PRORP: variants seen among roughly 807,000 people sequenced by gnomAD.
PRORP encodes the protein mitochondrial ribonuclease P catalytic subunit.
Under a neutral mutation model 59.4 loss-of-function variants are expected in PRORP, and 51 were observed. The ratio of observed to expected loss-of-function variants is 0.86; its 90% CI spans 0.69 to 1.08. The LOEUF is 1.08. Among genes scored for constraint, PRORP ranks in the 50% least tolerant of loss-of-function variants. The pLI is 0.00. For synonymous variants in PRORP, 231 were observed against 245.6 expected (o/e 0.94, Z 0.55); for missense variants, 646 against 690.3 (o/e 0.94, Z 0.72).
At chr14:35,203,464 C>T (rs2049208581) in intron 5 of PRORP, among the ~76,000 whole-genome samples, 1 of 152,046 alleles carries the variant, frequency 6.6e-6, no homozygotes, top group Non-Finnish European at 1.5e-5. Context: ...GAAGTGGAGG[C>T]TGCAGTGAGC....
At chr14:35,164,940 T>G (rs537340711) in intron 4 of PRORP, among the ~76,000 whole-genome samples, 40 of 152,218 alleles carry the variant, frequency 2.6e-4, no homozygotes, top group African/African-American at 9.6e-4. Flanking sequence ...AAAAAACTCA[T>G]GAAGGACGTT....
At chr14:35,200,256 G>A (rs1351473568) in intron 5 of PRORP, among the ~76,000 whole-genome samples, 3 of 151,954 alleles carry the variant, frequency 2.0e-5, no homozygotes, top group South Asian at 2.1e-4. Context: ...GCTGTGGCAC[G>A]ATCTTGGCTC....
chr14:35,165,016 G>A lies in PRORP; in HGVS notation c.1168-15654G>A, dbSNP rs149535378. On this transcript the variant is annotated intron_variant, in intron 4 of 7. Coordinates refer to ENST00000534898, the MANE Select transcript of PRORP (RefSeq NM_014672.4). ...GAAGGGCAGCAGTCTTGATTGGCAC[G>A]CCTTGCTTAAGAATACAGGCCACAC... Among the ~76,000 whole-genome samples, 1,238 of 152,228 alleles carry A rather than the reference G, an allele frequency of 8.1e-3. 16 individuals are homozygous for A. Among genetic ancestry groups the A allele is most frequent in the African/African-American group, 0.028 (1,176 of 41,518 alleles).
At chr14:35,258,468 A>C (rs2050814388) in intron 5 of PRORP, among the ~76,000 whole-genome samples, 1 of 152,214 alleles carries the variant, frequency 6.6e-6, no homozygotes, top group Admixed American at 6.5e-5. Flanking sequence ...GTGAAATAGT[A>C]GGAAATATTG....
chr14:35,258,213 A>G (rs2050807322), intron 5 of PRORP, among the ~76,000 whole-genome samples: 1 of 152,126 alleles, frequency 6.6e-6, no homozygotes. Context: ...GCTGGTCTCG[A>G]ACTCCTGAGT....
chr14:35,271,298 A>G (rs536277307), intron 7 of PRORP, among the ~76,000 whole-genome samples: 581 of 150,258 alleles, frequency 3.9e-3, no homozygotes, highest in Non-Finnish European at 6.8e-3. Flanking sequence ...AGCTGGGACT[A>G]TGGGCACATG....
chr14:35,169,961 T>C (rs1427272251), intron 4 of PRORP, among the ~76,000 whole-genome samples: 1 of 152,224 alleles, frequency 6.6e-6, no homozygotes, highest in African/African-American at 2.4e-5. Flanking sequence ...TGTTCCTCCT[T>C]TGTTCTGTCA....
At chr14:35,150,776 T>G (rs771149017) in intron 4 of PRORP, among the ~76,000 whole-genome samples, 38 of 152,206 alleles carry the variant, frequency 2.5e-4, no homozygotes, top group Non-Finnish European at 4.0e-4. Context: ...GTTGGGTTGG[T>G]GATTTTTCAT....
chr14:35,273,757 A>G lies in PRORP; in HGVS notation c.*191A>G. The G allele has an allele frequency of 2.3e-6, 1 of 432,340 alleles. No individual in the cohort carries two copies. The highest frequency in any genetic ancestry group is 6.6e-4 in the Middle Eastern group (1 of 1,520). The allele number at this position is 432,340 out of a possible 1,614,324, so 26.8% of individuals were successfully genotyped here. ...TAACCAGCTGCGTTTTTTTCCCCTA[A>G]CATTTGTTTTTGGAGGCTTATCAAG... is the stretch of plus-strand genomic sequence containing the variant. On this transcript the variant is annotated 3_prime_UTR_variant, in exon 8 of 8. Coordinates refer to ENST00000534898, the MANE Select transcript of PRORP (RefSeq NM_014672.4).
chr14:35,224,126 T>C (rs2049869652), intron 5 of PRORP, among the ~76,000 whole-genome samples: 1 of 152,194 alleles, frequency 6.6e-6, no homozygotes, highest in Admixed American at 6.5e-5. Context: ...ATCTTTTAGC[T>C]AGCATTGTAA....
intron 5 of PRORP, chr14:35,262,347 G>A (rs2050927829): frequency 1.9e-5 from 6 of 309,278 alleles, no homozygotes; most frequent in South Asian, 1.8e-4. Context: ...ATGAATCAAA[G>A]TTTACTAGTG....
intron 5 of PRORP, among the ~76,000 whole-genome samples, chr14:35,218,443 A>G (rs1442268420): frequency 7.5e-6 from 1 of 134,172 alleles, no homozygotes; most frequent in East Asian, 2.4e-4. Flanking sequence ...CCTGGGCAAC[A>G]GAGCAAGATC....
chr14:35,260,737 C>T (rs2050881724), intron 5 of PRORP, among the ~76,000 whole-genome samples: 1 of 152,244 alleles, frequency 6.6e-6, no homozygotes, highest in African/African-American at 2.4e-5. Flanking sequence ...CTTGCTTTCG[C>T]ACCACCATAA....
At chr14:35,148,716 G>A (rs2047669085) in intron 4 of PRORP, among the ~76,000 whole-genome samples, 1 of 152,032 alleles carries the variant, frequency 6.6e-6, no homozygotes, top group African/African-American at 2.4e-5. Flanking sequence ...TCCAATAGAA[G>A]GGGCTGTTTT....
At chr14:35,161,902 GC>G (rs2048069685) in intron 4 of PRORP, among the ~76,000 whole-genome samples, 1 of 152,088 alleles carries the variant, frequency 6.6e-6, no homozygotes, top group African/African-American at 2.4e-5. Context: ...ATACCTAACT[GC>G]TAGGGAGCAT....
At chr14:35,145,806 T>C (rs2047594000) in intron 4 of PRORP, among the ~76,000 whole-genome samples, 1 of 135,130 alleles carries the variant, frequency 7.4e-6, no homozygotes, top group African/African-American at 2.6e-5. Context: ...TTTATTTGAT[T>C]ATTTATTTAT....
intron 7 of PRORP, among the ~76,000 whole-genome samples, chr14:35,271,490 T>C (rs1255739712): frequency 6.6e-6 from 1 of 152,140 alleles, no homozygotes; most frequent in Non-Finnish European, 1.5e-5. Flanking sequence ...GTTTTTTATT[T>C]TTGTTTATTT....
chr14:35,261,055 C>T (rs1000385619), intron 5 of PRORP, among the ~76,000 whole-genome samples: 3 of 152,184 alleles, frequency 2.0e-5, no homozygotes, highest in Non-Finnish European at 1.5e-5. Flanking sequence ...TGTTATTTTA[C>T]CAAGTTTTCT....
At chr14:35,269,424 G>C (rs906218506) in intron 6 of PRORP, among the ~76,000 whole-genome samples, 4 of 152,146 alleles carry the variant, frequency 2.6e-5, no homozygotes, top group African/African-American at 9.7e-5. Flanking sequence ...CAGTTGTAAC[G>C]ATCAATTCAC....
Sources: gnomAD v4.1 joint callset for allele counts (sites outside exome capture counted in the v4.1 genomes callset) on GRCh38, gnomAD v4.1.1 for gene constraint, MANE v1.5 for transcripts, NCBI Gene and HGNC (gene_info 2026-07-23, HGNC 2026-07-21) for gene names.